The following ZNF425 variants were observed in gnomAD, a reference collection of about 807,000 sequenced individuals.
ZNF425 encodes the protein zinc finger protein 425.
In ZNF425, 21 loss-of-function variants were observed where a neutral mutation model predicts 17.0. That is an observed-to-expected ratio of 1.23 (90% CI 0.88 to 1.78). The LOEUF is 1.78. ZNF425 is among the 40% of genes most tolerant of loss of function. The pLI, the probability that ZNF425 is intolerant of heterozygous loss-of-function variation, is 0.00. For synonymous variants in ZNF425, 433 were observed against 384.1 expected, an observed-to-expected ratio of 1.13 and a Z score of -1.49; for missense variants, 868 against 967.3, an observed-to-expected ratio of 0.90 and a Z score of 1.36.
chr7:149,124,604 C>A (rs748489176), intron 1 of ZNF425, among the ~76,000 whole-genome samples: 5 of 151,960 alleles, frequency 3.3e-5, no homozygotes, highest in Admixed American at 6.6e-5. Flanking sequence ...TGCAATGGCA[C>A]GATCTCGGCT....
chr7:149,125,991 C>A, intron 1 of ZNF425: 1 of 1,134,706 alleles, frequency 8.8e-7, no homozygotes, highest in Admixed American at 2.2e-5. Flanking sequence ...CCCGGCCAGA[C>A]CAGCTTTTCC....
intron 1 of ZNF425, chr7:149,125,840 CGAGA>C (rs1378243958): frequency 2.4e-6 from 1 of 422,212 alleles, no homozygotes; most frequent in African/African-American, 2.1e-5. Context: ...TCCCCGCTCC[CGAGA>C]GGTCACCACA....
At chr7:149,122,283 T>TC (rs1283250384) in intron 1 of ZNF425, among the ~76,000 whole-genome samples, 2 of 150,268 alleles carry the variant, frequency 1.3e-5, no homozygotes, top group Non-Finnish European at 2.9e-5. Flanking sequence ...CAAGGAAGAT[T>TC]CTTTTTTTTT....
rs773321253 is a variant in ZNF425 at position 149,104,176 on chromosome 7, C to G, written c.1695G>C (p.Trp565Cys). 4.2e-5 allele frequency: 68 copies of G among 1,612,912 alleles called. No individual in the cohort carries two copies. Among genetic ancestry groups the G allele is most frequent in the Non-Finnish European group, 5.8e-5 (68 of 1,179,648 alleles). ...QCPECDKSFS[W>C]KASMKFHQRM... Reference sequence around the variant, plus strand: ...GCTGGTGGAACTTCATGGAGGCCTTCCAGGAGAAGCTCTTGTCGCACTCGG... The same window carrying G: ...GCTGGTGGAACTTCATGGAGGCCTTGCAGGAGAAGCTCTTGTCGCACTCGG... Residue 565 changes from tryptophan (W) to cysteine (C), a missense_variant, in exon 4 of 4, where the codon TGG (tryptophan) becomes TGC (cysteine). Physicochemically the swap from Trp to Cys is radical, Grantham distance 215. Transcript: ENST00000378061. This position sits in a 1 kb window ranked among gnomAD's most constrained non-coding sequence, Gnocchi z 4.3.
intron 2 of ZNF425, among the ~76,000 whole-genome samples, chr7:149,114,862 T>C (rs1004057193): frequency 2.0e-5 from 3 of 150,718 alleles, no homozygotes; most frequent in Non-Finnish European, 4.4e-5. Flanking sequence ...TAAACTTTTC[T>C]GATGAGATGG....
rs546654142 is a variant in ZNF425, at chr7:149,120,664, C to T, written c.19-2316G>A. ...GTATTCAGTACAGTAACATGCTATA[C>T]AAGTTTGTAGCCTAGGAGAAATAAG... On this transcript the variant is annotated intron_variant, in intron 1 of 3. Transcript: ENST00000378061. Among the ~76,000 whole-genome samples the T allele has an allele frequency of 5.3e-5, 8 of 152,284 alleles. No individual in the cohort carries two copies. The South Asian group carries it at 1.7e-3, about 32-fold the overall frequency.
At chr7:149,126,085 A>AC in intron 1 of ZNF425, 111 bp downstream of exon 1, 1 of 1,573,646 alleles carries the variant, frequency 6.4e-7, no homozygotes, top group South Asian at 1.1e-5. Context: ...GCCACTGCCA[A>AC]CCCCCAGGCC....
At chr7:149,108,175 C>T (rs953598221) in intron 3 of ZNF425, among the ~76,000 whole-genome samples, 3 of 151,932 alleles carry the variant, frequency 2.0e-5, no homozygotes, top group Non-Finnish European at 4.4e-5. Context: ...CCTGAGCAAA[C>T]TCTCAGCCTA....
At chr7:149,107,348 T>TATTTATTTATTTATTTA (rs1237876400) in intron 3 of ZNF425, among the ~76,000 whole-genome samples, 1 of 134,810 alleles carries the variant, frequency 7.4e-6, no homozygotes, top group Non-Finnish European at 1.5e-5. Flanking sequence ...TTTATTTATT[T>TATTTATTTATTTATTTA]TTTTTCTGAG....
In ZNF425 at chr7:149,105,052, G is replaced by T; in HGVS notation, c.819C>A (p.Pro273=). 1.2e-6 allele frequency: 2 copies of T among 1,614,248 alleles called. No homozygotes were observed. Among genetic ancestry groups the T allele is most frequent in the Non-Finnish European group, 1.7e-6 (2 of 1,180,042 alleles). The part of the protein sequence containing the change: ...THQVVHTGQR[P]YPCPECDKTF... Reference sequence around the variant, plus strand: ...TCTTGTCGCACTCAGGGCATGGGTAGGGCCGCTGGCCGGTGTGGACAACCT... The same window carrying T: ...TCTTGTCGCACTCAGGGCATGGGTATGGCCGCTGGCCGGTGTGGACAACCT... The change falls in exon 4 of 4, where the codon CCC becomes CCA. Residue 273 remains proline (P), a synonymous_variant. Transcript: ENST00000378061.
chr7:149,123,870 CG>C (rs1197246984), intron 1 of ZNF425, among the ~76,000 whole-genome samples: 8 of 139,892 alleles, frequency 5.7e-5, no homozygotes, highest in Admixed American at 7.6e-5. Flanking sequence ...CTTTTTGAGA[CG>C]GAGTCTCGCT....
intron 2 of ZNF425, among the ~76,000 whole-genome samples, chr7:149,117,642 C>CTT (rs869026303): frequency 0.049 from 2,704 of 55,098 alleles, 621 homozygotes; most frequent in African/African-American, 0.068. Flanking sequence ...CTTAGTAATT[C>CTT]TTTTTTTTTT....
rs572632806 is a variant in ZNF425, at chr7:149,104,426, G to A, written c.1445C>T (p.Pro482Leu). The A allele has an allele frequency of 6.9e-6, 11 of 1,601,314 alleles. No individual in the cohort carries two copies. Among genetic ancestry groups the A allele is most frequent in the South Asian group, 1.1e-5 (1 of 89,382 alleles). The change falls in exon 4 of 4, where the codon CCT (proline) becomes CTT (leucine). Residue 482 changes from proline (P) to leucine (L), a missense_variant. Physicochemically the swap from Pro to Leu is moderately conservative, Grantham distance 98. Transcript: ENST00000378061. This position sits in a 1 kb window ranked among gnomAD's most constrained non-coding sequence, Gnocchi z 4.3. ...TCTGGTGTGGCAGGCGAGCTTGGAA[G>A]GCCGCGTGAAGCGCTTGCCGCACTC... ...CAECGKRFTR[P>L]SKLACHTRVH...
At chr7:149,124,131 G>A (rs2129518707) in intron 1 of ZNF425, among the ~76,000 whole-genome samples, 1 of 151,378 alleles carries the variant, frequency 6.6e-6, no homozygotes, top group South Asian at 2.1e-4. Context: ...ACAGGCCTGA[G>A]CTACCACGCC....
intron 3 of ZNF425, among the ~76,000 whole-genome samples, chr7:149,108,818 G>A (rs1826124861): frequency 6.6e-6 from 1 of 152,090 alleles, no homozygotes; most frequent in African/African-American, 2.4e-5. Flanking sequence ...TTTGAATCCG[G>A]GAGGTGGAAG....
chr7:149,112,385 G>A (rs1398531620), intron 2 of ZNF425, 90 bp from the exon 3 acceptor site: 5 of 1,202,820 alleles, frequency 4.2e-6, no homozygotes, highest in Admixed American at 4.3e-5. Flanking sequence ...TGTAATCCCA[G>A]CACTTTGGGA....
At position 149,105,155 on chromosome 7, in the gene ZNF425, A is replaced by C; in HGVS notation, c.716T>G (p.Leu239Arg). The change falls in exon 4 of 4, where the codon CTC becomes CGC. Residue 239 changes from leucine (L) to arginine (R), a missense_variant. This residue lies in a region of ZNF425 where 243 missense variants were observed against 265.2 expected (regional missense o/e 0.92). Coordinates refer to ENST00000378061, the MANE Select transcript of ZNF425 (RefSeq NM_001001661.3). ...CTGGAACCGCTTCTTCTGACACAGG[A>C]GCCTCTGCGTCCGCCTGAGTTCGGA... Reference protein sequence around the residue: ...GKSELRRTQRLLCQKKRFQCS... With the variant: ...GKSELRRTQRRLCQKKRFQCS... The C allele has an allele frequency of 6.2e-7, 1 of 1,614,130 alleles. No individual in the cohort carries two copies. The highest frequency in any genetic ancestry group is 8.5e-7 in the Non-Finnish European group (1 of 1,180,032).
intron 2 of ZNF425, 114 bp downstream of exon 2, chr7:149,118,108 G>T: frequency 2.6e-6 from 3 of 1,147,374 alleles, no homozygotes; most frequent in African/African-American, 1.6e-5. Context: ...GAGACATTAT[G>T]AATGTAAACT....
intron 1 of ZNF425, chr7:149,125,983 C>G (rs1329302446): frequency 9.4e-7 from 1 of 1,066,436 alleles, no homozygotes; most frequent in East Asian, 2.6e-5. Context: ...CGGCCAAGCC[C>G]GGCCAGACCA....
Sources: gnomAD v4.1 joint callset for allele counts (sites outside exome capture counted in the v4.1 genomes callset) on GRCh38, gnomAD v4.1.1 for gene constraint, gnomAD v4.1.1 regional missense constraint, Gnocchi (gnomAD v3.1) non-coding constraint, MANE v1.5 for transcripts, NCBI Gene and HGNC (gene_info 2026-07-23, HGNC 2026-07-21) for gene names.